The following INTS6 variants were observed in gnomAD, a reference collection of about 807,000 sequenced individuals.
The protein encoded by INTS6 is integrator complex subunit 6.
Under a neutral mutation model 104.9 loss-of-function variants are expected in INTS6, and 16 were observed. That is an observed-to-expected ratio of 0.15 (90% CI 0.10 to 0.23). INTS6 has a LOEUF of 0.23. Ranked by LOEUF, INTS6 falls within the 10% of genes least tolerant of loss-of-function variation. The probability of loss-of-function intolerance (pLI) is 1.00; values close to 1 mark genes in which losing one functional copy is unlikely to be tolerated. For missense variants in INTS6, 584 were observed against 1,062.8 expected (o/e 0.55, Z 6.26); for synonymous variants, 324 against 358.7 (o/e 0.90, Z 1.09).
At chr13:51,361,504 TAAAGA>T (rs1955574205), downstream of INTS6, 1 of 641,488 alleles carries the variant, frequency 1.6e-6, no homozygotes, top group Non-Finnish European at 2.7e-6. Context: ...AAAGGAACAC[TAAAGA>T]AAACAAAAAG....
chr13:51,386,952 C>T (rs1371347583), intron 7 of INTS6, among the ~76,000 whole-genome samples: 1 of 152,086 alleles, frequency 6.6e-6, no homozygotes, highest in Non-Finnish European at 1.5e-5. Context: ...CTTAAACCTC[C>T]AATCTGCAAC....
At chr13:51,417,333 T>C (rs1956806030) in intron 4 of INTS6, among the ~76,000 whole-genome samples, 1 of 152,226 alleles carries the variant, frequency 6.6e-6, no homozygotes, top group Non-Finnish European at 1.5e-5. Context: ...TTTTAGCTCT[T>C]ATATTTGGGT....
the INTS6 span, chr13:51,344,350 G>A: frequency 6.2e-7 from 1 of 1,613,850 alleles, no homozygotes; most frequent in Middle Eastern, 1.6e-4. Context: ...TTTTGTGCAA[G>A]TGGGAACGCC....
intron 3 of INTS6, chr13:51,447,854 T>A (rs964855078): frequency 4.6e-5 from 7 of 151,038 alleles, no homozygotes; most frequent in African/African-American, 1.7e-4. Context: ...AGTTCAGGAG[T>A]TCGAGACCAG....
chr13:51,387,581 A>C (rs1430939072), intron 6 of INTS6, 41 bp from the exon 7 acceptor site: 3 of 1,464,948 alleles, frequency 2.0e-6, no homozygotes, highest in Non-Finnish European at 1.8e-6. Flanking sequence ...ATATATCATA[A>C]GGGGGGATAA....
chr13:51,428,584 A>C (rs1471265632), intron 4 of INTS6, among the ~76,000 whole-genome samples: 1 of 151,898 alleles, frequency 6.6e-6, no homozygotes, highest in East Asian at 1.9e-4. Flanking sequence ...TCAGCCTCCC[A>C]AAGTGCTGAG....
intron 4 of INTS6, among the ~76,000 whole-genome samples, chr13:51,415,231 G>C (rs1448189523): frequency 6.6e-6 from 1 of 151,802 alleles, no homozygotes; most frequent in Non-Finnish European, 1.5e-5. Context: ...TCACAGAAAA[G>C]TTGCAGTGAT....
At chr13:51,352,976 A>G (rs1175169624), downstream of INTS6, among the ~76,000 whole-genome samples, 1 of 152,136 alleles carries the variant, frequency 6.6e-6, no homozygotes, top group East Asian at 1.9e-4. Flanking sequence ...TGAGATTTAT[A>G]TGGTATTGGA....
chr13:51,358,120 T>C (rs1326545996), downstream of INTS6, among the ~76,000 whole-genome samples: 1 of 152,070 alleles, frequency 6.6e-6, no homozygotes, highest in Non-Finnish European at 1.5e-5. Flanking sequence ...AGATTCTTCT[T>C]AGCACTCTCT....
At chr13:51,361,464 C>T (rs538850424), downstream of INTS6, 12 of 789,500 alleles carry the variant, frequency 1.5e-5, no homozygotes, top group African/African-American at 1.7e-4. Flanking sequence ...CCATAACCCC[C>T]AAGTTCAGGT....
At chr13:51,337,056 T>C in the INTS6 span, among the ~76,000 whole-genome samples, 1 of 152,232 alleles carries the variant, frequency 6.6e-6, no homozygotes, top group East Asian at 1.9e-4. Context: ...TGCAGCACCA[T>C]GTGCTGGGCT....
At chr13:51,358,966 G>A (rs1955521171), downstream of INTS6, among the ~76,000 whole-genome samples, 1 of 152,090 alleles carries the variant, frequency 6.6e-6, no homozygotes, top group Non-Finnish European at 1.5e-5. Context: ...TAATTGTCCT[G>A]TAGAGATTCA....
intron 5 of INTS6, among the ~76,000 whole-genome samples, chr13:51,390,727 T>C (rs556556599): frequency 2.6e-4 from 40 of 152,222 alleles, no homozygotes; most frequent in African/African-American, 9.4e-4. Flanking sequence ...ATTCAAATCC[T>C]CAAAGTCAGC....
At chr13:51,445,445 CTA>C (rs1952893562) in intron 3 of INTS6, 2 of 151,966 alleles carry the variant, frequency 1.3e-5, no homozygotes, top group South Asian at 4.1e-4. Context: ...AAATAGAAAA[CTA>C]GAGGTAAACA....
Position 51,452,217 on chromosome 13 carries a change from C to T in INTS6, c.112-162G>A. 4.6e-6 allele frequency: 3 copies of T among 646,176 alleles called. No homozygotes were observed. The highest frequency in any genetic ancestry group is 6.6e-6 in the Non-Finnish European group (3 of 457,214). 40.0% of individuals were successfully genotyped at this position (646,176 alleles called of 1,614,324 possible). On this transcript the variant is annotated intron_variant, in intron 1 of 17. Transcript: ENST00000311234. This position sits in a 1 kb window ranked among gnomAD's most constrained non-coding sequence, Gnocchi z 4.2. ...CCACACACAGATCGCTCCCCACACA[C>T]CGCCCGGGGCCGGAGCCCGGGCCCC...
downstream of INTS6, among the ~76,000 whole-genome samples, chr13:51,352,385 T>C (rs1393591283): frequency 6.6e-6 from 1 of 152,080 alleles, no homozygotes; most frequent in Non-Finnish European, 1.5e-5. Flanking sequence ...TTTCAGATTG[T>C]TCTATAGCGT....
intron 3 of INTS6, chr13:51,447,645 C>T (rs1952945334): frequency 7.1e-6 from 1 of 141,536 alleles, no homozygotes; most frequent in Admixed American, 7.7e-5. Flanking sequence ...CTTCAGGTAG[C>T]AGGGGTGTGG....
At chr13:51,448,081 G>A (rs1358451075) in intron 3 of INTS6, 1 of 152,102 alleles carries the variant, frequency 6.6e-6, no homozygotes, top group African/African-American at 2.4e-5. Context: ...CATATATATT[G>A]ATGGAAAACA....
rs1956090428 is a variant in INTS6 at position 51,383,686 on chromosome 13, A to G, written c.950T>C (p.Met317Thr). Residue 317 changes from methionine (M) to threonine (T), a missense_variant, in exon 8 of 18, where the codon ATG becomes ACG. Physicochemically the swap from Met to Thr is moderately conservative, Grantham distance 81 (BLOSUM62 -1). Transcript: ENST00000311234. ...VKFSCTDCEP[M>T]VIDKLPFDKY... The stretch of plus-strand genomic sequence containing the variant: ...GTCAAAAGGAAGTTTATCAATAACC[A>G]TTGGTTCACAGTCTGTACAGGAAAA... 6.2e-7 allele frequency: 1 copy of G among 1,613,806 alleles called. No individual in the cohort carries two copies. The highest frequency in any genetic ancestry group is 8.5e-7 in the Non-Finnish European group (1 of 1,179,880).
Sources: allele counts gnomAD v4.1 joint callset (sites outside exome capture counted in the v4.1 genomes callset), GRCh38; gene constraint gnomAD v4.1.1; non-coding constraint Gnocchi (gnomAD v3.1); transcripts MANE v1.5; gene names NCBI Gene and HGNC (gene_info 2026-07-23, HGNC 2026-07-21).